Variants in SPATA9 observed in about 807,000 individuals in gnomAD.
SPATA9 encodes the protein spermatogenesis-associated protein 9.
In SPATA9, 27 loss-of-function variants were observed where a neutral mutation model predicts 25.5. The ratio of observed to expected loss-of-function variants is 1.06; its 90% confidence interval spans 0.78 to 1.46. The LOEUF (loss-of-function observed/expected upper bound fraction) is 1.46. Among genes scored for constraint, SPATA9 ranks in the 40% most tolerant of loss-of-function variants. The pLI is 0.00. For synonymous variants in SPATA9, 102 were observed against 105.7 expected (o/e 0.97, Z 0.21); for missense variants, 282 against 297.5 (o/e 0.95, Z 0.38).
Position 95,675,736 on chromosome 5 carries a change from T to A in SPATA9, c.151-97A>T, listed in dbSNP as rs957056973. ...GACTGACTACTATATAACTACATTG[T>A]GCATGGTGTCATGCATATATTCAAC... On this transcript the variant is annotated intron_variant, in intron 2 of 4. Coordinates refer to ENST00000274432, the MANE Select transcript of SPATA9 (RefSeq NM_031952.4). The A allele has an allele frequency of 9.6e-6, 9 of 938,406 alleles. No individual in the cohort carries two copies. The African/African-American group carries it at 1.5e-4, about 16-fold the overall frequency. The allele number at this position is 938,406 out of a possible 1,614,324, so 58.1% of individuals were successfully genotyped here.
intron 2 of SPATA9, among the ~76,000 whole-genome samples, chr5:95,679,695 C>T (rs1353509566): frequency 2.0e-5 from 3 of 152,180 alleles, no homozygotes; most frequent in Admixed American, 6.5e-5. Context: ...ACCGCCTCTT[C>T]CTATGATGAC....
intron 4 of SPATA9, among the ~76,000 whole-genome samples, chr5:95,660,800 C>T (rs1229200265): frequency 1.3e-5 from 2 of 152,210 alleles, no homozygotes; most frequent in South Asian, 2.1e-4. Context: ...TTTTAACCTA[C>T]ATCCTACCAT....
intron 3 of SPATA9, among the ~76,000 whole-genome samples, chr5:95,665,746 A>T (rs1427864831): frequency 6.6e-6 from 1 of 152,208 alleles, no homozygotes; most frequent in Non-Finnish European, 1.5e-5. Flanking sequence ...AGACCAAGGC[A>T]GGTGGATCAC....
intron 1 of SPATA9, chr5:95,698,531 A>G (rs1191765699): frequency 6.6e-6 from 1 of 152,184 alleles, no homozygotes; most frequent in African/African-American, 2.4e-5. Flanking sequence ...TGCCACTCCT[A>G]AGGGCACCAA....
the SPATA9 span, among the ~76,000 whole-genome samples, chr5:95,710,221 G>T: frequency 0.22 from 33,851 of 152,082 alleles, 3,861 homozygotes; most frequent in South Asian, 0.35. Flanking sequence ...TTCTCTAGGG[G>T]CATATCTTGA....
intron 4 of SPATA9, among the ~76,000 whole-genome samples, chr5:95,661,854 A>G (rs1435395332): frequency 1.3e-5 from 2 of 152,018 alleles, no homozygotes; most frequent in African/African-American, 4.8e-5. Flanking sequence ...ACATGCACAC[A>G]CCTGCTTGGC....
At chr5:95,662,164 G>C (rs1317583297) in intron 4 of SPATA9, among the ~76,000 whole-genome samples, 1 of 151,872 alleles carries the variant, frequency 6.6e-6, no homozygotes, top group East Asian at 1.9e-4. Flanking sequence ...GAGTATTCTA[G>C]GACAATAGAA....
the SPATA9 span, chr5:95,730,909 C>A: frequency 2.2e-6 from 1 of 456,784 alleles, no homozygotes; most frequent in Admixed American, 2.4e-5. Context: ...AAAGCACTTT[C>A]GGTCAAGGCC....
the SPATA9 span, chr5:95,731,940 C>A: frequency 6.2e-7 from 1 of 1,614,130 alleles, no homozygotes; most frequent in Non-Finnish European, 8.5e-7. Context: ...TCCGCACTTA[C>A]CTGGGGAGAA....
chr5:95,661,153 A>G (rs1367495873), intron 4 of SPATA9, among the ~76,000 whole-genome samples: 1 of 152,048 alleles, frequency 6.6e-6, no homozygotes. Context: ...TTCTGCTTGT[A>G]TTTGACACTT....
At position 95,658,668 on chromosome 5, in the gene SPATA9, T is replaced by C; in HGVS notation, c.720A>G (p.Leu240=). ...CAGCTGATTGGTCAAACACAGAATGTAAAACTTGGATGTTATTACTCTGCT... is the reference window on the plus strand; with the variant it reads ...CAGCTGATTGGTCAAACACAGAATGCAAAACTTGGATGTTATTACTCTGCT... ...ANKQSNNIQV[L]HSVFDQSAEM... The change falls in exon 5 of 5, where the codon TTA becomes TTG. Residue 240 remains leucine (L), a synonymous_variant. Transcript: ENST00000274432. 1.9e-6 allele frequency: 3 copies of C among 1,613,704 alleles called. No individual in the cohort carries two copies. Among genetic ancestry groups the C allele is most frequent in the Non-Finnish European group, 2.5e-6 (3 of 1,179,854 alleles).
chr5:95,711,015 T>A, the SPATA9 span, among the ~76,000 whole-genome samples: 14 of 152,202 alleles, frequency 9.2e-5, no homozygotes, highest in African/African-American at 3.4e-4. Flanking sequence ...AAAAGGGGTG[T>A]AAATCCGATA....
At chr5:95,668,148 T>C (rs762132990) in intron 3 of SPATA9, among the ~76,000 whole-genome samples, 13 of 152,206 alleles carry the variant, frequency 8.5e-5, no homozygotes, top group Non-Finnish European at 1.9e-4. Context: ...AGTACGGGTG[T>C]CTACATGAGA....
At chr5:95,659,058 CATAAT>C (rs1035535882) in intron 4 of SPATA9, 145 bp from the exon 5 acceptor site, 63 of 1,015,036 alleles carry the variant, frequency 6.2e-5, no homozygotes, top group African/African-American at 4.7e-4. Context: ...CCTTCAGGTA[CATAAT>C]ATAATAAGCA....
chr5:95,714,339 T>C, the SPATA9 span, among the ~76,000 whole-genome samples: 2 of 151,908 alleles, frequency 1.3e-5, no homozygotes, highest in Admixed American at 6.6e-5. Flanking sequence ...GAACAATGTA[T>C]AGCAAGAGGA....
rs1034994582 is a variant in SPATA9, at chr5:95,697,778, T to G, written n.124+810A>C. 3.3e-5 allele frequency among the ~76,000 whole-genome samples: 5 copies of G among 152,282 alleles called. No individual in the cohort carries two copies. In the East Asian group the frequency reaches 9.6e-4, roughly 29 times the overall value. ...CCTTGAAATGACAGACTCGCTTCTTTTACATTCGAGAAAATACCTGCCAAA... is the reference window on the plus strand; with the variant it reads ...CCTTGAAATGACAGACTCGCTTCTTGTACATTCGAGAAAATACCTGCCAAA... On this transcript the variant is annotated intron_variant and non_coding_transcript_variant, in intron 1 of 2. Coordinates refer to the SPATA9 transcript ENST00000379990.
chr5:95,659,038 C>G lies in SPATA9; in HGVS notation c.475-125G>C. 5.9e-6 allele frequency: 7 copies of G among 1,192,452 alleles called. No homozygotes were observed. The East Asian group carries it at 1.3e-4, about 21-fold the overall frequency. 73.9% of individuals were successfully genotyped at this position (1,192,452 alleles called of 1,614,324 possible). On this transcript the variant is annotated intron_variant, in intron 4 of 4. Transcript: ENST00000274432. ...CTACATAATCTAATAAAAAACACTT[C>G]TTTTCAGGACCTTCAGGTACATAAT...
chr5:95,698,867 T>C (rs1194559813), upstream of SPATA9, among the ~76,000 whole-genome samples: 1 of 152,230 alleles, frequency 6.6e-6, no homozygotes, highest in Non-Finnish European at 1.5e-5. Flanking sequence ...TATTTATTTA[T>C]TACAGCAAAC....
chr5:95,654,299 T>C (rs1190628762), downstream of SPATA9: 1 of 1,609,990 alleles, frequency 6.2e-7, no homozygotes, highest in African/African-American at 1.3e-5. Context: ...TTCAGTTTTT[T>C]AGTGACTGCA....
Sources: allele counts gnomAD v4.1 joint callset (sites outside exome capture counted in the v4.1 genomes callset), GRCh38; gene constraint gnomAD v4.1.1; transcripts MANE v1.5; gene names NCBI Gene and HGNC (gene_info 2026-07-23, HGNC 2026-07-21).